The following SGCZ variants were observed in gnomAD, a reference collection of about 807,000 sequenced individuals.
SGCZ encodes the protein zeta-sarcoglycan.
Under a neutral mutation model 41.3 loss-of-function variants are expected in SGCZ, and 40 were observed. The ratio of observed to expected loss-of-function variants is 0.97; its 90% CI spans 0.75 to 1.26. SGCZ has a LOEUF of 1.26. Ranked by LOEUF, SGCZ falls within the 50% of genes most tolerant of loss-of-function variation. The pLI is 0.00. For synonymous variants in SGCZ, 206 were observed against 137.5 expected, an observed-to-expected ratio of 1.50 and a Z score of -3.49; for missense variants, 552 against 369.8, an observed-to-expected ratio of 1.49 and a Z score of -4.04.
rs1342795523 is a variant in SGCZ at position 14,324,189 on chromosome 8, G to C, written c.250C>G (p.Leu84Val). 1.2e-6 allele frequency: 2 copies of C among 1,611,798 alleles called. No homozygotes were observed. Among genetic ancestry groups the C allele is most frequent in the Non-Finnish European group, 1.7e-6 (2 of 1,178,428 alleles). ...CGGATTCCCTTCTTGGTGACTCTCA[G>C]ATTTCCCATACCATCCTACAAGCAA... The part of the protein sequence containing the change: ...MNFTVDGMGN[L>V]RVTKKGIRLE... The change falls in exon 3 of 8, where the codon CTG becomes GTG. Residue 84 changes from leucine (L) to valine (V), a missense_variant. Physicochemically the swap from Leu to Val is conservative, Grantham distance 32 (BLOSUM62 1). Transcript: ENST00000382080.
At chr8:14,352,290 G>A (rs1803128570) in intron 2 of SGCZ, among the ~76,000 whole-genome samples, 1 of 152,030 alleles carries the variant, frequency 6.6e-6, no homozygotes, top group Admixed American at 6.6e-5. Context: ...CAGGAAAAGA[G>A]GAGAGAAGTA....
intron 2 of SGCZ, among the ~76,000 whole-genome samples, chr8:14,491,452 T>C (rs1203607398): frequency 1.3e-5 from 2 of 152,192 alleles, no homozygotes; most frequent in Non-Finnish European, 2.9e-5. Context: ...GCTGTCTAAC[T>C]AGTGGTTGGA....
chr8:14,787,394 A>C (rs971173762), intron 1 of SGCZ, among the ~76,000 whole-genome samples: 1 of 152,088 alleles, frequency 6.6e-6, no homozygotes, highest in South Asian at 2.1e-4. Flanking sequence ...ACTTGGTAAA[A>C]TATACTTATG....
intron 1 of SGCZ, among the ~76,000 whole-genome samples, chr8:15,091,797 G>C (rs1169612812): frequency 6.6e-6 from 1 of 152,106 alleles, no homozygotes; most frequent in Non-Finnish European, 1.5e-5. Flanking sequence ...CTGTCAACCA[G>C]GCTGGAGTGC....
intron 1 of SGCZ, among the ~76,000 whole-genome samples, chr8:14,681,940 A>G (rs1178341107): frequency 6.6e-6 from 1 of 151,966 alleles, no homozygotes; most frequent in Non-Finnish European, 1.5e-5. Context: ...CATATATTTT[A>G]ATATTAATAA....
intron 2 of SGCZ, among the ~76,000 whole-genome samples, chr8:14,481,702 G>T (rs1275733779): frequency 1.3e-5 from 2 of 152,110 alleles, no homozygotes; most frequent in East Asian, 3.9e-4. Context: ...TATACTAGGA[G>T]AATGGATTAT....
At chr8:14,911,338 G>A (rs1799274429) in intron 1 of SGCZ, among the ~76,000 whole-genome samples, 1 of 151,860 alleles carries the variant, frequency 6.6e-6, no homozygotes, top group South Asian at 2.1e-4. Flanking sequence ...ATATTTCCTT[G>A]GAATACGCAG....
chr8:15,065,451 T>C (rs900267782), intron 1 of SGCZ, among the ~76,000 whole-genome samples: 1 of 133,582 alleles, frequency 7.5e-6, no homozygotes, highest in Non-Finnish European at 1.6e-5. Context: ...TTATTATTAT[T>C]ATTATTATTT....
At chr8:14,098,591 GTAT>G (rs1247811611) in intron 7 of SGCZ, among the ~76,000 whole-genome samples, 2 of 152,162 alleles carry the variant, frequency 1.3e-5, no homozygotes, top group Admixed American at 1.3e-4. Context: ...AATGCCAAAA[GTAT>G]TCTAGGGGCA....
At chr8:15,023,843 T>A (rs1803348119) in intron 1 of SGCZ, among the ~76,000 whole-genome samples, 1 of 152,158 alleles carries the variant, frequency 6.6e-6, no homozygotes, top group Non-Finnish European at 1.5e-5. Flanking sequence ...ATCTACCATT[T>A]TTCAAAGTTA....
At chr8:15,159,602 G>A (rs1799441340) in intron 1 of SGCZ, among the ~76,000 whole-genome samples, 1 of 152,108 alleles carries the variant, frequency 6.6e-6, no homozygotes, top group Admixed American at 6.5e-5. Context: ...CCTGGTGTGT[G>A]GGCAACCTCT....
intron 1 of SGCZ, among the ~76,000 whole-genome samples, chr8:14,817,879 G>A (rs537480935): frequency 1.3e-5 from 2 of 152,278 alleles, no homozygotes; most frequent in East Asian, 3.9e-4. Flanking sequence ...AGAGCCACCT[G>A]AATCCACTGT....
intron 1 of SGCZ, among the ~76,000 whole-genome samples, chr8:14,576,446 G>A (rs1450052899): frequency 1.3e-5 from 2 of 152,160 alleles, no homozygotes; most frequent in Non-Finnish European, 2.9e-5. Flanking sequence ...GAAGTAATAT[G>A]TAGTAGTGGT....
chr8:14,966,086 T>G (rs1446569233), intron 1 of SGCZ, among the ~76,000 whole-genome samples: 1 of 151,672 alleles, frequency 6.6e-6, no homozygotes, highest in Non-Finnish European at 1.5e-5. Flanking sequence ...AAACTGAACA[T>G]GAAGAGACAC....
chr8:14,739,684 C>T (rs1287507445), intron 1 of SGCZ, among the ~76,000 whole-genome samples: 1 of 151,916 alleles, frequency 6.6e-6, no homozygotes, highest in Non-Finnish European at 1.5e-5. Context: ...TAATAAGTAA[C>T]AAAATCCTTA....
chr8:14,356,566 C>T (rs915081245), intron 2 of SGCZ, among the ~76,000 whole-genome samples: 1 of 150,620 alleles, frequency 6.6e-6, no homozygotes, highest in Admixed American at 6.6e-5. Context: ...AGTGTAGATG[C>T]TCCTGATGAT....
At chr8:14,187,319 A>C (rs1415447160) in intron 4 of SGCZ, among the ~76,000 whole-genome samples, 1 of 152,326 alleles carries the variant, frequency 6.6e-6, no homozygotes, top group Admixed American at 6.5e-5. Flanking sequence ...ATGTTTTAAA[A>C]ACCCGAGAAA....
chr8:14,385,772 A>G (rs1804552987), intron 2 of SGCZ, among the ~76,000 whole-genome samples: 1 of 152,212 alleles, frequency 6.6e-6, no homozygotes, highest in South Asian at 2.1e-4. Flanking sequence ...GAAGAATGTT[A>G]AGGAAACCTA....
chr8:15,012,617 G>T (rs187692007), intron 1 of SGCZ, among the ~76,000 whole-genome samples: 267 of 75,814 alleles, frequency 3.5e-3, no homozygotes, highest in Middle Eastern at 0.028. Flanking sequence ...ATACATATAT[G>T]TTTATATAAT....
Sources: gnomAD v4.1 joint callset for allele counts (sites outside exome capture counted in the v4.1 genomes callset) on GRCh38, gnomAD v4.1.1 for gene constraint, MANE v1.5 for transcripts, NCBI Gene and HGNC (gene_info 2026-07-23, HGNC 2026-07-21) for gene names.